The following CNTN4 variants were observed in gnomAD, a reference collection of about 807,000 sequenced individuals.
CNTN4 encodes contactin 4.
Under a neutral mutation model 122.5 loss-of-function variants are expected in CNTN4, and 77 were observed. That is an observed-to-expected ratio of 0.63 (90% CI 0.52 to 0.76). The LOEUF (loss-of-function observed/expected upper bound fraction) is 0.76, where lower values mean the gene tolerates loss of function less well. CNTN4 is among the 30% of genes least tolerant of loss of function. The probability of loss-of-function intolerance (pLI) is 0.00; values close to 1 mark genes in which losing one functional copy is unlikely to be tolerated. For missense variants in CNTN4, 1,256 were observed against 1,259.1 expected, an observed-to-expected ratio of 1.00 and a Z score of 0.04; for synonymous variants, 512 against 447.0, an observed-to-expected ratio of 1.15 and a Z score of -1.83.
At chr3:2,857,765 T>C (rs183988853) in intron 7 of CNTN4, among the ~76,000 whole-genome samples, 35 of 152,276 alleles carry the variant, frequency 2.3e-4, no homozygotes, top group Admixed American at 8.5e-4. Flanking sequence ...TTTTTATTTT[T>C]GTAGAGATGT....
At chr3:2,727,373 C>A (rs2149433450) in intron 4 of CNTN4, among the ~76,000 whole-genome samples, 1 of 152,324 alleles carries the variant, frequency 6.6e-6, no homozygotes, top group South Asian at 2.1e-4. Context: ...CAGTTCAGGT[C>A]AGTTTTTGCC....
At chr3:3,025,769 C>T (rs556899629) in intron 14 of CNTN4, among the ~76,000 whole-genome samples, 11 of 152,200 alleles carry the variant, frequency 7.2e-5, no homozygotes, top group South Asian at 2.1e-4. Flanking sequence ...TGGAGAGAGA[C>T]GAAAACCTTT....
rs1202717847 is a variant in CNTN4, at chr3:2,385,340, A to C, written c.-89+46107A>C. 6.6e-6 allele frequency among the ~76,000 whole-genome samples: 1 copy of C among 151,772 alleles called. No homozygotes were observed. The highest frequency in any genetic ancestry group is 1.5e-5 in the Non-Finnish European group (1 of 67,996). ...ACCTGTTTATAGTTTTGTTTATATT[A>C]CTCTTGTTGCACTGAATAACCTATT... On this transcript the variant is annotated intron_variant, in intron 3 of 24. Transcript: ENST00000418658. This position sits in a 1 kb window ranked among gnomAD's most constrained non-coding sequence, Gnocchi z 4.0.
chr3:2,895,862 G>A (rs956300501), intron 10 of CNTN4, among the ~76,000 whole-genome samples: 38 of 152,172 alleles, frequency 2.5e-4, no homozygotes, highest in Non-Finnish European at 4.3e-4. Context: ...GTGAAACCCC[G>A]TCTCTACTAA....
At chr3:2,933,340 T>C (rs932244376) in intron 13 of CNTN4, among the ~76,000 whole-genome samples, 14 of 152,176 alleles carry the variant, frequency 9.2e-5, no homozygotes, top group African/African-American at 3.4e-4. Flanking sequence ...GGCTAGTTTA[T>C]ACAGGGGATA....
intron 4 of CNTN4, among the ~76,000 whole-genome samples, chr3:2,704,645 A>C (rs1040228325): frequency 1.3e-5 from 2 of 152,222 alleles, no homozygotes; most frequent in Non-Finnish European, 2.9e-5. Context: ...TTGTTCAAAA[A>C]CAGATTACTA....
At chr3:2,441,775 G>A (rs950681767) in intron 3 of CNTN4, among the ~76,000 whole-genome samples, 1 of 152,122 alleles carries the variant, frequency 6.6e-6, no homozygotes, top group Non-Finnish European at 1.5e-5. Context: ...ACGTGAGGAG[G>A]CAGTCTGGAG....
At chr3:2,749,775 G>T (rs1303564446) in intron 6 of CNTN4, among the ~76,000 whole-genome samples, 3 of 152,082 alleles carry the variant, frequency 2.0e-5, no homozygotes, top group African/African-American at 7.2e-5. Context: ...GTTTCTAGAT[G>T]TTTTTCCCTA....
intron 3 of CNTN4, among the ~76,000 whole-genome samples, chr3:2,363,100 C>A (rs944861602): frequency 1.3e-5 from 2 of 152,162 alleles, no homozygotes; most frequent in African/African-American, 4.8e-5. Context: ...CAGTCAAAGC[C>A]TGGCTGATTC....
intron 13 of CNTN4, among the ~76,000 whole-genome samples, chr3:2,963,671 C>A (rs1266925836): frequency 1.3e-5 from 2 of 152,174 alleles, no homozygotes; most frequent in Non-Finnish European, 2.9e-5. Context: ...ATCTTTTGTG[C>A]CCCCAACACA....
At chr3:2,755,598 C>T (rs190315969) in intron 6 of CNTN4, among the ~76,000 whole-genome samples, 1 of 152,098 alleles carries the variant, frequency 6.6e-6, no homozygotes, top group Admixed American at 6.6e-5. Flanking sequence ...ATCTTAGGAG[C>T]TATTAAAGTA....
intron 7 of CNTN4, among the ~76,000 whole-genome samples, chr3:2,851,724 A>G (rs1052141870): frequency 2.6e-5 from 4 of 152,262 alleles, no homozygotes; most frequent in African/African-American, 9.6e-5. Flanking sequence ...GGCCAAGATC[A>G]CAGAGTTAGA....
At chr3:2,222,028 C>T (rs1424958373) in intron 2 of CNTN4, among the ~76,000 whole-genome samples, 3 of 152,092 alleles carry the variant, frequency 2.0e-5, no homozygotes, top group Non-Finnish European at 4.4e-5. Flanking sequence ...TAACATTTCA[C>T]CCAGTAATGC....
chr3:2,736,770 T>TTTTATTTA lies in CNTN4; in HGVS notation c.182+462_182+469dup, dbSNP rs563317741. 3.9e-3 allele frequency among the ~76,000 whole-genome samples: 531 copies of TTTTATTTA among 137,422 alleles called. 2 individuals carry two copies. Among genetic ancestry groups the TTTTATTTA allele is most frequent in the African/African-American group, 8.4e-3 (318 of 37,894 alleles). 90.2% of individuals were successfully genotyped at this position (137,422 alleles called of 152,430 possible). A position where few individuals can be genotyped will look rare whatever the true frequency, so the allele number is the denominator to read the frequency against. On this transcript the variant is annotated intron_variant, in intron 5 of 24. Coordinates refer to ENST00000418658, the MANE Select transcript of CNTN4 (RefSeq NM_175607.3). ...GAGCCACCACACCCGGACCAAGAGC[T>TTTTATTTA]TTTATTTATTTATTTATTTATTTAT... is the stretch of plus-strand genomic sequence containing the variant.
chr3:2,525,346 T>G (rs2077363845), intron 3 of CNTN4, among the ~76,000 whole-genome samples: 1 of 152,168 alleles, frequency 6.6e-6, no homozygotes, highest in African/African-American at 2.4e-5. Context: ...TCTGCAAAAA[T>G]TGTCTTTCTT....
intron 2 of CNTN4, among the ~76,000 whole-genome samples, chr3:2,160,778 C>T (rs974699072): frequency 2.6e-5 from 4 of 152,048 alleles, no homozygotes; most frequent in African/African-American, 7.2e-5. Flanking sequence ...GTATACGGTG[C>T]GTATTATTAA....
At chr3:2,978,874 G>A (rs550292980) in intron 13 of CNTN4, among the ~76,000 whole-genome samples, 4 of 152,282 alleles carry the variant, frequency 2.6e-5, no homozygotes, top group African/African-American at 7.2e-5. Flanking sequence ...TAGTCTTACC[G>A]AAATATAAGT....
intron 12 of CNTN4, among the ~76,000 whole-genome samples, chr3:2,906,473 T>C (rs1295407638): frequency 6.9e-6 from 1 of 145,612 alleles, no homozygotes; most frequent in African/African-American, 2.8e-5. Flanking sequence ...ATCTAAAAAG[T>C]AAAATAATAA....
chr3:2,441,623 A>G (rs2048443025), intron 3 of CNTN4, among the ~76,000 whole-genome samples: 1 of 152,174 alleles, frequency 6.6e-6, no homozygotes, highest in Non-Finnish European at 1.5e-5. Context: ...CGACTGTGGC[A>G]TTCAAACATA....
Sources: allele counts gnomAD v4.1 joint callset (sites outside exome capture counted in the v4.1 genomes callset), GRCh38; gene constraint gnomAD v4.1.1; non-coding constraint Gnocchi (gnomAD v3.1); transcripts MANE v1.5; gene names NCBI Gene and HGNC (gene_info 2026-07-23, HGNC 2026-07-21).